Variants in LRP1B observed in about 807,000 individuals in gnomAD.
LRP1B encodes the protein LDL receptor related protein 1B, also known as low-density lipoprotein receptor-related protein 1B.
In LRP1B, 217 loss-of-function variants were observed where a neutral mutation model predicts 556.6. The ratio of observed to expected loss-of-function variants is 0.39; its 90% CI spans 0.35 to 0.44. The LOEUF (loss-of-function observed/expected upper bound fraction) is 0.44, where lower values mean the gene tolerates loss of function less well. Among genes scored for constraint, LRP1B ranks in the 20% least tolerant of loss-of-function variants. The pLI is 1.00. For missense variants in LRP1B, 5,053 were observed against 5,620.8 expected (o/e 0.90, Z 3.23); for synonymous variants, 2,047 against 1,865.8 (o/e 1.10, Z -2.50).
chr2:140,827,477 A>G (rs1247169844), intron 31 of LRP1B, among the ~76,000 whole-genome samples: 1 of 152,086 alleles, frequency 6.6e-6, no homozygotes. Flanking sequence ...AGTTTCCTGA[A>G]CTAAAAAATG....
intron 3 of LRP1B, among the ~76,000 whole-genome samples, chr2:141,261,223 T>C (rs187045354): frequency 5.7e-4 from 87 of 152,320 alleles, no homozygotes; most frequent in African/African-American, 2.0e-3. Context: ...ACTGCTTACA[T>C]GAATTTCTTC....
intron 58 of LRP1B, 26 bp downstream of exon 58, chr2:140,487,591 A>T (rs752270601): frequency 1.3e-6 from 2 of 1,580,842 alleles, no homozygotes; most frequent in Non-Finnish European, 1.7e-6. Context: ...ATATTCAACA[A>T]TCCCATCATT....
At chr2:140,642,470 G>T (rs1157834593) in intron 41 of LRP1B, among the ~76,000 whole-genome samples, 2 of 152,094 alleles carry the variant, frequency 1.3e-5, no homozygotes, top group African/African-American at 4.8e-5. Context: ...TTATGATAAT[G>T]TGGGAGAGAA....
At chr2:140,720,169 T>C (rs942156177) in intron 35 of LRP1B, among the ~76,000 whole-genome samples, 2 of 152,004 alleles carry the variant, frequency 1.3e-5, no homozygotes, top group Non-Finnish European at 2.9e-5. Context: ...TATGGAATTC[T>C]TAGTTTGTGC....
intron 25 of LRP1B, among the ~76,000 whole-genome samples, chr2:140,872,388 T>TTTTTTTTTA (rs70991113): frequency 7.6e-6 from 1 of 132,172 alleles, no homozygotes; most frequent in African/African-American, 2.7e-5. Flanking sequence ...TTTTTTTTTT[T>TTTTTTTTTA]ACTAAAGTAG....
At chr2:141,525,743 A>G (rs972749235) in intron 2 of LRP1B, among the ~76,000 whole-genome samples, 11 of 152,006 alleles carry the variant, frequency 7.2e-5, no homozygotes, top group African/African-American at 2.7e-4. Context: ...TGACAAAGTA[A>G]CACAACTTTA....
At chr2:141,004,396 G>A (rs3954956) in intron 15 of LRP1B, among the ~76,000 whole-genome samples, 83,872 of 151,778 alleles carry the variant, frequency 0.55, 23,557 homozygotes, top group Admixed American at 0.6. Flanking sequence ...CAAAATAAAC[G>A]TCAACTGCCT....
intron 68 of LRP1B, among the ~76,000 whole-genome samples, chr2:140,375,250 G>A (rs1683176482): frequency 7.1e-6 from 1 of 141,528 alleles, no homozygotes; most frequent in Admixed American, 7.0e-5. Context: ...TGCACAAATT[G>A]TCCCTTTTGT....
At position 140,534,110 on chromosome 2, in the gene LRP1B, G is replaced by T. The variant is rs564997327; in HGVS notation, c.7673C>A (p.Pro2558Gln). The T allele has an allele frequency of 2.3e-5, 37 of 1,613,176 alleles. No individual in the cohort carries two copies. In the African/African-American group the frequency reaches 4.1e-4, roughly 18 times the overall value. Residue 2558 changes from proline to glutamine, a missense_variant, in exon 47 of 91, where the codon CCA (proline) becomes CAA (glutamine). Around this residue, in one of 5 missense-constraint regions of LRP1B, gnomAD observed 3,619 missense variants for 3,931.9 expected, o/e 0.92. Transcript: ENST00000389484. Reference sequence around the variant, plus strand: ...AGGAATGCAGCGGCGATTATAGCATGGCTTGAAGCCTCTTCGACAGCTTCT... The same window carrying T: ...AGGAATGCAGCGGCGATTATAGCATTGCTTGAAGCCTCTTCGACAGCTTCT... ...ENRSCRRGFKPCYNRRCIPHG... is the reference protein window; with the variant it reads ...ENRSCRRGFKQCYNRRCIPHG...
At chr2:140,565,002 A>G (rs936409343) in intron 43 of LRP1B, among the ~76,000 whole-genome samples, 4 of 152,018 alleles carry the variant, frequency 2.6e-5, no homozygotes, top group Non-Finnish European at 5.9e-5. Flanking sequence ...TTAAGAAGAT[A>G]GTATTACTTT....
Position 140,232,258 on chromosome 2 carries a change from A to G in LRP1B, c.*928T>C, listed in dbSNP as rs990932195. On this transcript the variant is annotated 3_prime_UTR_variant, in exon 91 of 91. Transcript: ENST00000389484. ...TCACGTAATTGAAATTCTGTCACCAATTTGTGTGCTTATATATTATTCTTT... is the reference window on the plus strand; with the variant it reads ...TCACGTAATTGAAATTCTGTCACCAGTTTGTGTGCTTATATATTATTCTTT... The G allele has an allele frequency of 6.6e-6, 1 of 151,252 alleles. No homozygotes were observed. Among genetic ancestry groups the G allele is most frequent in the Non-Finnish European group, 1.5e-5 (1 of 67,568 alleles). 9.4% of individuals were successfully genotyped at this position (151,252 alleles called of 1,614,324 possible).
At chr2:141,672,256 G>A (rs140421984) in intron 2 of LRP1B, among the ~76,000 whole-genome samples, 84 of 152,118 alleles carry the variant, frequency 5.5e-4, no homozygotes, top group African/African-American at 1.7e-3. Flanking sequence ...GAGACAACAA[G>A]GCACTTCATT....
intron 43 of LRP1B, among the ~76,000 whole-genome samples, chr2:140,584,881 C>CTTTTCT (rs1332313632): frequency 1.3e-5 from 2 of 151,580 alleles, no homozygotes; most frequent in Admixed American, 1.3e-4. Flanking sequence ...TTGGCCTTTT[C>CTTTTCT]TTTTTTTTAA....
At chr2:141,453,241 T>TA (rs199959905) in intron 3 of LRP1B, among the ~76,000 whole-genome samples, 3,462 of 150,238 alleles carry the variant, frequency 0.023, 69 homozygotes, top group East Asian at 0.093. Flanking sequence ...CATCTCAAAA[T>TA]AAAAAAAAAT....
intron 2 of LRP1B, among the ~76,000 whole-genome samples, chr2:141,809,657 T>C (rs1696272703): frequency 6.6e-6 from 1 of 152,074 alleles, no homozygotes; most frequent in Admixed American, 6.6e-5. Context: ...AGTACAACTA[T>C]GATTAGGATT....
At chr2:140,919,366 A>G (rs1417758744) in intron 21 of LRP1B, among the ~76,000 whole-genome samples, 5 of 149,654 alleles carry the variant, frequency 3.3e-5, no homozygotes, top group Non-Finnish European at 7.4e-5. Flanking sequence ...TCAATCTCCA[A>G]GCCAGACAGA....
chr2:140,640,391 T>C (rs1684245579), intron 41 of LRP1B, among the ~76,000 whole-genome samples: 5 of 64,560 alleles, frequency 7.7e-5, no homozygotes, highest in South Asian at 1.3e-3. Context: ...TTCTTTTTTT[T>C]TTTTTTTTTT....
At chr2:140,394,016 G>A (rs1684140999) in intron 66 of LRP1B, among the ~76,000 whole-genome samples, 1 of 151,816 alleles carries the variant, frequency 6.6e-6, no homozygotes, top group South Asian at 2.1e-4. Flanking sequence ...TTTTGCAAAT[G>A]TACTAAATCT....
At chr2:140,234,165 A>G (rs1416717997) in intron 90 of LRP1B, among the ~76,000 whole-genome samples, 2 of 151,430 alleles carry the variant, frequency 1.3e-5, no homozygotes, top group Non-Finnish European at 3.0e-5. Context: ...CAAACATGAT[A>G]GAAAATGAGG....
Sources: allele counts gnomAD v4.1 joint callset (sites outside exome capture counted in the v4.1 genomes callset), GRCh38; gene constraint gnomAD v4.1.1; regional missense constraint gnomAD v4.1.1; transcripts MANE v1.5; gene names NCBI Gene and HGNC (gene_info 2026-07-23, HGNC 2026-07-21).